Variants in DDX10 observed in about 807,000 individuals in gnomAD.
DDX10 encodes the protein probable ATP-dependent RNA helicase DDX10.
A neutral mutation model predicts 104.3 loss-of-function variants in DDX10; 74 were observed. The ratio of observed to expected loss-of-function variants is 0.71; its 90% confidence interval spans 0.59 to 0.86. DDX10 has a LOEUF of 0.86. Ranked by LOEUF, DDX10 falls within the 40% of genes least tolerant of loss-of-function variation. The pLI, the probability that DDX10 is intolerant of heterozygous loss-of-function variation, is 0.00. For missense variants in DDX10, 952 were observed against 1,040.0 expected (o/e 0.92, Z 1.16); for synonymous variants, 351 against 353.4 (o/e 0.99, Z 0.08).
At chr11:108,878,874 A>G (rs972385740) in intron 16 of DDX10, among the ~76,000 whole-genome samples, 6 of 152,114 alleles carry the variant, frequency 3.9e-5, no homozygotes, top group Admixed American at 6.5e-5. Flanking sequence ...TTAGTGGCCT[A>G]TGGTAGTGAA....
intron 9 of DDX10, among the ~76,000 whole-genome samples, chr11:108,706,359 T>A (rs986198404): frequency 6.6e-6 from 1 of 152,200 alleles, no homozygotes; most frequent in Non-Finnish European, 1.5e-5. Flanking sequence ...AATTGATTTT[T>A]TTTTAAAAAA....
chr11:108,702,249 C>T (rs944379620), intron 9 of DDX10, among the ~76,000 whole-genome samples: 6 of 152,124 alleles, frequency 3.9e-5, no homozygotes, highest in Non-Finnish European at 7.3e-5. Flanking sequence ...TGTACAGATT[C>T]TAGACAATAA....
intron 4 of DDX10, among the ~76,000 whole-genome samples, chr11:108,677,935 C>T (rs1226038440): frequency 6.6e-6 from 1 of 151,828 alleles, no homozygotes; most frequent in Non-Finnish European, 1.5e-5. Context: ...AAAGTACAGT[C>T]CTTGAGCGGT....
intron 16 of DDX10, among the ~76,000 whole-genome samples, chr11:108,908,764 G>A (rs1325222891): frequency 6.6e-6 from 1 of 152,184 alleles, no homozygotes; most frequent in African/African-American, 2.4e-5. Context: ...TGGGGGAATG[G>A]AAATGAAAAG....
chr11:108,912,116 C>T (rs1863688508), intron 16 of DDX10, among the ~76,000 whole-genome samples: 1 of 152,080 alleles, frequency 6.6e-6, no homozygotes, highest in South Asian at 2.1e-4. Context: ...GTTCTGGAGC[C>T]TGGAAAGTTC....
chr11:108,801,148 TG>T, intron 13 of DDX10, among the ~76,000 whole-genome samples: 1 of 152,182 alleles, frequency 6.6e-6, no homozygotes, highest in Non-Finnish European at 1.5e-5. Context: ...GTATTCTGAA[TG>T]CAAGAATATG....
At chr11:108,726,292 G>T (rs1379253869) in intron 13 of DDX10, among the ~76,000 whole-genome samples, 1 of 151,990 alleles carries the variant, frequency 6.6e-6, no homozygotes, top group Non-Finnish European at 1.5e-5. Flanking sequence ...ACTTCATTGA[G>T]GTTGCATTGA....
At chr11:108,685,485 C>A (rs1276170907) in intron 6 of DDX10, among the ~76,000 whole-genome samples, 1 of 151,986 alleles carries the variant, frequency 6.6e-6, no homozygotes. Context: ...CAGAAATCAC[C>A]CGTCTTCTGC....
chr11:108,879,264 T>G (rs888439776), intron 16 of DDX10, among the ~76,000 whole-genome samples: 2 of 152,190 alleles, frequency 1.3e-5, no homozygotes, highest in South Asian at 4.1e-4. Flanking sequence ...CCTCCCAAAG[T>G]GCTGAGATTA....
chr11:108,806,016 C>T (rs1862094474), intron 13 of DDX10, among the ~76,000 whole-genome samples: 1 of 151,958 alleles, frequency 6.6e-6, no homozygotes, highest in Non-Finnish European at 1.5e-5. Flanking sequence ...GGCTAGAGTG[C>T]AATGGCATGA....
At chr11:108,718,278 C>T (rs572966987) in intron 11 of DDX10, among the ~76,000 whole-genome samples, 1 of 152,216 alleles carries the variant, frequency 6.6e-6, no homozygotes, top group South Asian at 2.1e-4. Flanking sequence ...AAATTAATTC[C>T]AAAATATGAG....
intron 13 of DDX10, among the ~76,000 whole-genome samples, chr11:108,779,517 C>T (rs1004622577): frequency 4.0e-5 from 6 of 151,356 alleles, no homozygotes; most frequent in African/African-American, 1.5e-4. Flanking sequence ...TGGGGAACAT[C>T]ACACACTGGG....
At chr11:108,848,386 A>G (rs1862747460) in intron 15 of DDX10, among the ~76,000 whole-genome samples, 2 of 152,186 alleles carry the variant, frequency 1.3e-5, no homozygotes, top group African/African-American at 4.8e-5. Context: ...CAAGGGACTC[A>G]GTATCTGGTG....
At chr11:108,925,729 A>C (rs1863899560) in intron 17 of DDX10, among the ~76,000 whole-genome samples, 1 of 152,180 alleles carries the variant, frequency 6.6e-6, no homozygotes, top group African/African-American at 2.4e-5. Flanking sequence ...ATTACAAGTA[A>C]TTTTAATGGG....
At chr11:108,723,565 C>T (rs1192717523) in intron 13 of DDX10, 103 bp downstream of exon 13, 3 of 1,212,202 alleles carry the variant, frequency 2.5e-6, no homozygotes, top group Non-Finnish European at 1.1e-6. Flanking sequence ...GAAACTTAGA[C>T]TGGGTTTCTT....
chr11:108,834,176 C>G (rs1862514682), intron 13 of DDX10, among the ~76,000 whole-genome samples: 1 of 151,162 alleles, frequency 6.6e-6, no homozygotes, highest in Admixed American at 6.6e-5. Flanking sequence ...ACCAAGTTGC[C>G]CAGGCTGGTC....
chr11:108,699,794 TA>T (rs1173813204), intron 9 of DDX10, among the ~76,000 whole-genome samples: 2 of 152,132 alleles, frequency 1.3e-5, no homozygotes, highest in Non-Finnish European at 2.9e-5. Flanking sequence ...ATTTCAAGGA[TA>T]AAAACAATCC....
intron 16 of DDX10, among the ~76,000 whole-genome samples, chr11:108,887,873 T>C (rs1863320276): frequency 6.6e-6 from 1 of 151,134 alleles, no homozygotes; most frequent in Admixed American, 6.6e-5. Flanking sequence ...TGAGCCGCGA[T>C]CACACCACTC....
intron 16 of DDX10, among the ~76,000 whole-genome samples, chr11:108,909,715 T>G (rs1863643117): frequency 6.6e-6 from 1 of 152,180 alleles, no homozygotes; most frequent in Admixed American, 6.5e-5. Flanking sequence ...CTGTGGGATC[T>G]GTGTTAAGAC....
Sources: allele counts gnomAD v4.1 joint callset (sites outside exome capture counted in the v4.1 genomes callset), GRCh38; gene constraint gnomAD v4.1.1; transcripts MANE v1.5; gene names NCBI Gene and HGNC (gene_info 2026-07-23, HGNC 2026-07-21).